CCDC170: variants seen among roughly 807,000 people sequenced by gnomAD.
CCDC170 encodes the protein coiled-coil domain containing 170.
CCDC170 carries 69 observed loss-of-function variants against 72.6 expected under a neutral mutation model. The observed-to-expected ratio is 0.95, with a 90% CI of 0.78 to 1.16. The LOEUF (loss-of-function observed/expected upper bound fraction) is 1.16, where lower values mean the gene tolerates loss of function less well. CCDC170 is among the 50% of genes most tolerant of loss of function. The pLI, the probability that CCDC170 is intolerant of heterozygous loss-of-function variation, is 0.00. For missense variants in CCDC170, 852 were observed against 832.5 expected (o/e 1.02, Z -0.29); for synonymous variants, 300 against 303.9 (o/e 0.99, Z 0.13).
At chr6:151,529,973 G>A (rs1782471560) in intron 1 of CCDC170, among the ~76,000 whole-genome samples, 1 of 152,062 alleles carries the variant, frequency 6.6e-6, no homozygotes, top group African/African-American at 2.4e-5. Flanking sequence ...AAGTCACTCT[G>A]GTGATACCTA....
intron 10 of CCDC170, 164 bp downstream of exon 10, chr6:151,615,843 G>C: frequency 1.6e-6 from 1 of 617,444 alleles, no homozygotes; most frequent in East Asian, 2.8e-5. Context: ...TCTCTGTATC[G>C]TTCCAATGTT....
chr6:151,559,161 G>A (rs1783036062), intron 5 of CCDC170, among the ~76,000 whole-genome samples: 1 of 151,960 alleles, frequency 6.6e-6, no homozygotes, highest in African/African-American at 2.4e-5. Flanking sequence ...ACAGGCACAT[G>A]CCACCATGCC....
chr6:151,593,480 G>A (rs1326564956), intron 8 of CCDC170, among the ~76,000 whole-genome samples, 200 bp downstream of exon 8: 4 of 152,166 alleles, frequency 2.6e-5, no homozygotes, highest in African/African-American at 4.8e-5. Context: ...GTTTCACTGT[G>A]TGTAATGGGT....
intron 1 of CCDC170, among the ~76,000 whole-genome samples, chr6:151,521,245 G>A (rs553545283): frequency 6.6e-6 from 1 of 152,244 alleles, no homozygotes; most frequent in Non-Finnish European, 1.5e-5. Flanking sequence ...CTTTTGAAAG[G>A]ATGGGATCCT....
chr6:151,521,135 T>C (rs1194700399), intron 1 of CCDC170, among the ~76,000 whole-genome samples: 4 of 152,188 alleles, frequency 2.6e-5, no homozygotes, highest in Non-Finnish European at 5.9e-5. Context: ...ATTTTGTTCA[T>C]TGGCTTCTGA....
chr6:151,577,914 A>C (rs1240548286), intron 6 of CCDC170, among the ~76,000 whole-genome samples: 9 of 152,176 alleles, frequency 5.9e-5, no homozygotes, highest in Admixed American at 5.9e-4. Context: ...TGACACAAAA[A>C]TTGTCATCCA....
chr6:151,524,200 A>G (rs985517975), intron 1 of CCDC170, among the ~76,000 whole-genome samples: 5 of 152,102 alleles, frequency 3.3e-5, no homozygotes, highest in African/African-American at 1.2e-4. Context: ...AGGGGATGGA[A>G]TTTTCCATTG....
At chr6:151,586,205 T>C in intron 7 of CCDC170, 116 bp downstream of exon 7, 1 of 995,398 alleles carries the variant, frequency 1.0e-6, no homozygotes, top group Non-Finnish European at 1.5e-6. Context: ...ACTTAATTGG[T>C]TAAGTCAATT....
At chr6:151,588,478 G>T (rs557271198) in intron 7 of CCDC170, among the ~76,000 whole-genome samples, 24 of 152,308 alleles carry the variant, frequency 1.6e-4, no homozygotes, top group African/African-American at 4.8e-4. Context: ...GACTGGTCCA[G>T]TTAGATAGTC....
chr6:151,554,426 A>AT (rs1583023913), intron 5 of CCDC170, among the ~76,000 whole-genome samples: 1 of 152,316 alleles, frequency 6.6e-6, no homozygotes, highest in East Asian at 1.9e-4. Flanking sequence ...TGGAGTATGT[A>AT]AGAGAGACAC....
At chr6:151,547,159 C>T (rs576277705) in intron 4 of CCDC170, among the ~76,000 whole-genome samples, 1 of 152,292 alleles carries the variant, frequency 6.6e-6, no homozygotes, top group Admixed American at 6.5e-5. Context: ...TCGCAAGGAA[C>T]CATGCATTCC....
intron 1 of CCDC170, among the ~76,000 whole-genome samples, chr6:151,508,964 G>A (rs1167575108): frequency 1.4e-5 from 2 of 147,178 alleles, no homozygotes; most frequent in East Asian, 4.1e-4. Context: ...GTGGTGGGGC[G>A]AGATCATGCC....
At chr6:151,549,576 G>T (rs1030951933) in intron 5 of CCDC170, among the ~76,000 whole-genome samples, 1 of 151,928 alleles carries the variant, frequency 6.6e-6, no homozygotes, top group African/African-American at 2.4e-5. Flanking sequence ...CAACCTTTCT[G>T]TTAACAATTT....
At chr6:151,568,109 A>G (rs921082564) in intron 5 of CCDC170, among the ~76,000 whole-genome samples, 1,767 of 147,980 alleles carry the variant, frequency 0.012, 59 homozygotes, top group African/African-American at 0.043. Flanking sequence ...GACTCTGAAA[A>G]AAAAAAAAAA....
chr6:151,555,970 G>A (rs1562281068), intron 5 of CCDC170, among the ~76,000 whole-genome samples: 1 of 152,172 alleles, frequency 6.6e-6, no homozygotes, highest in African/African-American at 2.4e-5. Context: ...GCTGGATTGG[G>A]GATGGTGGCG....
chr6:151,554,271 T>C (rs1583023836), intron 5 of CCDC170, among the ~76,000 whole-genome samples: 1 of 152,172 alleles, frequency 6.6e-6, no homozygotes, highest in South Asian at 2.1e-4. Context: ...TTACAGAAGT[T>C]AAAATCAATG....
intron 1 of CCDC170, among the ~76,000 whole-genome samples, chr6:151,508,591 TAA>T (rs955273783): frequency 1.2e-4 from 19 of 152,180 alleles, no homozygotes; most frequent in African/African-American, 4.6e-4. Context: ...CGTGTGCCTG[TAA>T]TCCCAGCTAC....
intron 5 of CCDC170, among the ~76,000 whole-genome samples, chr6:151,569,856 C>A (rs1006587995): frequency 1.3e-5 from 2 of 152,176 alleles, no homozygotes; most frequent in African/African-American, 2.4e-5. Context: ...TCGAGTCCTG[C>A]ATTTTATACA....
chr6:151,510,929 T>C (rs1005641577), intron 1 of CCDC170, among the ~76,000 whole-genome samples: 2 of 152,092 alleles, frequency 1.3e-5, no homozygotes, highest in Admixed American at 1.3e-4. Flanking sequence ...AGAGATGGGG[T>C]TTCACTATGT....
Sources: allele counts gnomAD v4.1 joint callset (sites outside exome capture counted in the v4.1 genomes callset), GRCh38; gene constraint gnomAD v4.1.1; transcripts MANE v1.5; gene names NCBI Gene and HGNC (gene_info 2026-07-23, HGNC 2026-07-21).